The following MGAT4C variants were observed in gnomAD, a reference collection of about 807,000 sequenced individuals.
MGAT4C encodes the protein MGAT4 family member C, also known as alpha-1,3-mannosyl-glycoprotein 4-beta-N-acetylglucosaminyltransferase C.
MGAT4C carries 19 observed loss-of-function variants against 40.1 expected under a neutral mutation model. The observed-to-expected ratio is 0.47, with a 90% CI of 0.33 to 0.70. The LOEUF is 0.70. MGAT4C is among the 30% of genes least tolerant of loss of function. The pLI is 0.02. For synonymous variants in MGAT4C, 181 were observed against 187.1 expected (o/e 0.97, Z 0.27); for missense variants, 491 against 563.2 (o/e 0.87, Z 1.30).
At chr12:86,521,077 G>T (rs1183966099) in intron 2 of MGAT4C, among the ~76,000 whole-genome samples, 1 of 152,120 alleles carries the variant, frequency 6.6e-6, no homozygotes, top group Non-Finnish European at 1.5e-5. Flanking sequence ...AGTTAAATTA[G>T]ATCCCATTTG....
chr12:86,837,887 A>C (rs932973668), intron 1 of MGAT4C, among the ~76,000 whole-genome samples: 4 of 152,154 alleles, frequency 2.6e-5, no homozygotes, highest in African/African-American at 9.7e-5. Flanking sequence ...TAATGGGATA[A>C]ATTTCAGTTT....
At chr12:85,996,372 A>G (rs1886621190) in intron 2 of MGAT4C, among the ~76,000 whole-genome samples, 1 of 152,252 alleles carries the variant, frequency 6.6e-6, no homozygotes, top group Admixed American at 6.5e-5. Context: ...GAATAGCAGG[A>G]GAAAAGATAC....
At chr12:86,266,643 T>C (rs964135199) in intron 4 of MGAT4C, among the ~76,000 whole-genome samples, 2 of 152,206 alleles carry the variant, frequency 1.3e-5, no homozygotes, top group African/African-American at 4.8e-5. Flanking sequence ...AAGGTGATAA[T>C]GGCCTCCTAG....
At chr12:86,665,051 C>G (rs972356560) in intron 2 of MGAT4C, among the ~76,000 whole-genome samples, 1 of 151,986 alleles carries the variant, frequency 6.6e-6, no homozygotes, top group African/African-American at 2.4e-5. Context: ...ATCTAGCCCC[C>G]TCCCCCCACC....
intron 4 of MGAT4C, among the ~76,000 whole-genome samples, chr12:86,309,550 G>C (rs1487047027): frequency 6.6e-6 from 1 of 152,112 alleles, no homozygotes; most frequent in Non-Finnish European, 1.5e-5. Context: ...CAAGGTAACA[G>C]CCTAAATTCA....
chr12:86,700,166 C>CAGATAGAT (rs1208271183), intron 2 of MGAT4C, among the ~76,000 whole-genome samples: 4 of 94,438 alleles, frequency 4.2e-5, no homozygotes, highest in East Asian at 6.4e-4. Context: ...GACAGACAGA[C>CAGATAGAT]AGACAGACAG....
chr12:86,244,872 T>C (rs17013845), intron 1 of MGAT4C, among the ~76,000 whole-genome samples: 1,726 of 152,246 alleles, frequency 0.011, 59 homozygotes, highest in East Asian at 0.11. Context: ...ATAGGGTTTA[T>C]GGGTGAGTAA....
chr12:86,830,411 T>G (rs1372250721), intron 1 of MGAT4C, among the ~76,000 whole-genome samples: 1 of 151,828 alleles, frequency 6.6e-6, no homozygotes, highest in Non-Finnish European at 1.5e-5. Context: ...TCTCTAAGTA[T>G]GTATTTATCT....
chr12:86,309,146 G>A (rs1954009604), intron 4 of MGAT4C, among the ~76,000 whole-genome samples: 1 of 150,302 alleles, frequency 6.7e-6, no homozygotes, highest in Non-Finnish European at 1.5e-5. Flanking sequence ...TCTTTAACTT[G>A]CTTGCTGATT....
At chr12:85,993,384 C>T (rs956702114) in intron 2 of MGAT4C, among the ~76,000 whole-genome samples, 2 of 152,148 alleles carry the variant, frequency 1.3e-5, no homozygotes, top group Non-Finnish European at 2.9e-5. Flanking sequence ...CAAAATGAGC[C>T]CCTCATGATA....
At chr12:86,393,220 T>C (rs1482546913) in intron 3 of MGAT4C, among the ~76,000 whole-genome samples, 1 of 152,206 alleles carries the variant, frequency 6.6e-6, no homozygotes, top group Non-Finnish European at 1.5e-5. Flanking sequence ...TCTTCAGAGA[T>C]CTCTTTGCCC....
intron 2 of MGAT4C, among the ~76,000 whole-genome samples, chr12:86,555,392 G>A (rs966939422): frequency 1.3e-5 from 2 of 152,198 alleles, no homozygotes; most frequent in African/African-American, 4.8e-5. Flanking sequence ...TGAGTATTGG[G>A]AGAAGCTGAG....
At chr12:86,267,577 T>A (rs1238381069) in intron 4 of MGAT4C, among the ~76,000 whole-genome samples, 2 of 152,188 alleles carry the variant, frequency 1.3e-5, no homozygotes, top group African/African-American at 4.8e-5. Context: ...GCTGTCTTTT[T>A]AATTCACAGC....
intron 1 of MGAT4C, among the ~76,000 whole-genome samples, chr12:86,050,539 C>A (rs1892802022): frequency 6.6e-6 from 1 of 151,814 alleles, no homozygotes; most frequent in Non-Finnish European, 1.5e-5. Context: ...TAAGTAGAAC[C>A]AATTATGTTG....
intron 3 of MGAT4C, among the ~76,000 whole-genome samples, chr12:86,373,033 G>A (rs1443114470): frequency 2.1e-4 from 31 of 151,080 alleles, no homozygotes; most frequent in Admixed American, 2.0e-3. Flanking sequence ...GGCAAAAGAA[G>A]GCAACAATTA....
chr12:86,348,042 A>C (rs888133081), intron 3 of MGAT4C, among the ~76,000 whole-genome samples: 1 of 152,208 alleles, frequency 6.6e-6, no homozygotes, highest in Non-Finnish European at 1.5e-5. Context: ...ACTGTTGTTT[A>C]GAATGATGTG....
At chr12:86,662,754 T>A (rs1039820614) in intron 2 of MGAT4C, among the ~76,000 whole-genome samples, 1 of 152,184 alleles carries the variant, frequency 6.6e-6, no homozygotes, top group Non-Finnish European at 1.5e-5. Flanking sequence ...CTACTGAGTT[T>A]GCACTGCTCT....
At chr12:85,989,685 C>A in intron 2 of MGAT4C, 133 bp from the exon 3 acceptor site, 1 of 796,478 alleles carries the variant, frequency 1.3e-6, no homozygotes, top group Non-Finnish European at 1.9e-6. Context: ...TTCCCAATTT[C>A]AAACATAAGG....
intron 1 of MGAT4C, among the ~76,000 whole-genome samples, chr12:86,821,843 A>G (rs1200339724): frequency 6.6e-6 from 1 of 150,930 alleles, no homozygotes; most frequent in African/African-American, 2.4e-5. Context: ...TTTGGTTTGG[A>G]GATAATATGA....
Sources: gnomAD v4.1 joint callset for allele counts (sites outside exome capture counted in the v4.1 genomes callset) on GRCh38, gnomAD v4.1.1 for gene constraint, MANE v1.5 for transcripts, NCBI Gene and HGNC (gene_info 2026-07-23, HGNC 2026-07-21) for gene names.